SESN1: variants seen among roughly 807,000 people sequenced by gnomAD.
SESN1 encodes the protein sestrin 1.
SESN1 carries 30 observed loss-of-function variants against 59.3 expected under a neutral mutation model. The ratio of observed to expected loss-of-function variants is 0.51; its 90% CI spans 0.38 to 0.69. The LOEUF is 0.69. Among genes scored for constraint, SESN1 ranks in the 30% least tolerant of loss-of-function variants. The pLI, the probability that SESN1 is intolerant of heterozygous loss-of-function variation, is 0.00. For missense variants in SESN1, 566 were observed against 673.0 expected (o/e 0.84, Z 1.76); for synonymous variants, 197 against 219.9 (o/e 0.90, Z 0.92).
At chr6:109,077,460 A>G (rs565657929) in intron 1 of SESN1, among the ~76,000 whole-genome samples, 6 of 152,324 alleles carry the variant, frequency 3.9e-5, no homozygotes, top group East Asian at 3.9e-4. Flanking sequence ...AAAATTGGAG[A>G]TTGCAGGGAA....
intron 1 of SESN1, among the ~76,000 whole-genome samples, chr6:109,088,417 A>G (rs1781251923): frequency 6.6e-6 from 1 of 151,864 alleles, no homozygotes. Context: ...TGCAACTCCA[A>G]CTGTAACTCT....
chr6:109,075,987 G>A (rs932056586), intron 1 of SESN1, among the ~76,000 whole-genome samples: 4 of 152,052 alleles, frequency 2.6e-5, no homozygotes, highest in African/African-American at 9.7e-5. Flanking sequence ...CACAAATTAG[G>A]TCCTCTCCAG....
chr6:109,046,440 C>T (rs1209503738), intron 1 of SESN1, among the ~76,000 whole-genome samples: 1 of 149,874 alleles, frequency 6.7e-6, no homozygotes, highest in Non-Finnish European at 1.5e-5. Context: ...CTACAACCTA[C>T]ACCTCCCAGC....
intron 1 of SESN1, among the ~76,000 whole-genome samples, chr6:109,087,894 T>G (rs1300327904): frequency 1.3e-5 from 2 of 151,866 alleles, no homozygotes; most frequent in African/African-American, 2.4e-5. Flanking sequence ...AGCCTCTAAT[T>G]AGGCCTGACT....
chr6:109,008,661 A>T, intron 1 of SESN1: 1 of 448,518 alleles, frequency 2.2e-6, no homozygotes, highest in Non-Finnish European at 2.9e-6. Flanking sequence ...TTAAGGTTCG[A>T]GTTTTACCTA....
intron 1 of SESN1, among the ~76,000 whole-genome samples, chr6:109,078,287 T>A (rs1741274736): frequency 6.6e-6 from 1 of 151,956 alleles, no homozygotes; most frequent in Admixed American, 6.6e-5. Flanking sequence ...GAGGCTGAGG[T>A]GGGAGGATCA....
chr6:109,051,279 G>A (rs2114441580), intron 1 of SESN1, among the ~76,000 whole-genome samples: 1 of 152,210 alleles, frequency 6.6e-6, no homozygotes, highest in South Asian at 2.1e-4. Context: ...CAGAGGATCA[G>A]AATATTATAA....
At position 108,985,271 on chromosome 6, in the gene SESN1, C is replaced by A. The variant is rs1779153886; in HGVS notation, c.*2273G>T. On this transcript the variant is annotated 3_prime_UTR_variant, in exon 10 of 10. Coordinates refer to ENST00000436639, the MANE Select transcript of SESN1 (RefSeq NM_014454.3). ...AGTTTGGCCTAATAAAAAATTTTCC[C>A]AAATACGGCCAAAACAACTCAAGAT... Among the ~76,000 whole-genome samples the A allele has an allele frequency of 6.6e-6, 1 of 150,418 alleles. No homozygotes were observed. The highest frequency in any genetic ancestry group is 1.5e-5 in the Non-Finnish European group (1 of 67,238).
chr6:109,051,328 T>A lies in SESN1; in HGVS notation c.279+42467A>T, dbSNP rs555980637. 7.2e-5 allele frequency among the ~76,000 whole-genome samples: 9 copies of A among 125,866 alleles called. No homozygotes were observed. The South Asian group carries it at 2.8e-3, about 39-fold the overall frequency. The allele number at this position is 125,866 out of a possible 152,430, so 82.6% of individuals were successfully genotyped here. A position where few individuals can be genotyped will look rare whatever the true frequency, so the allele number is the denominator to read the frequency against. ...TTATTTACCAAACATTGAAACTGAG[T>A]CAGACAATAATGGTGCTACTTCAGT... is the stretch of plus-strand genomic sequence containing the variant. On this transcript the variant is annotated intron_variant, in intron 1 of 9. Coordinates refer to ENST00000436639, the MANE Select transcript of SESN1 (RefSeq NM_014454.3).
chr6:109,051,282 T>G (rs1225064360), intron 1 of SESN1, among the ~76,000 whole-genome samples: 1 of 152,166 alleles, frequency 6.6e-6, no homozygotes, highest in Non-Finnish European at 1.5e-5. Context: ...AGGATCAGAA[T>G]ATTATAAAGA....
intron 1 of SESN1, among the ~76,000 whole-genome samples, chr6:109,080,534 T>C (rs1196172824): frequency 2.0e-5 from 3 of 152,174 alleles, no homozygotes; most frequent in African/African-American, 4.8e-5. Context: ...AGTTTCAACA[T>C]GGGTCAAGGT....
In SESN1 at chr6:108,998,586, T is replaced by C. The variant is rs375753083; in HGVS notation, c.899A>G (p.Tyr300Cys). The change falls in exon 5 of 10, where the codon TAC becomes TGC. Residue 300 changes from tyrosine to cysteine, a missense_variant. Transcript: ENST00000436639. ...HTFRPPSVSN[Y>C]CICDITNGNH... ...GCCATTTGTAATGTCACAGATGCAG[T>C]AGTTGCTAACAGAAGGAGGTCTGAA... 26 of 1,613,942 alleles carry C rather than the reference T, an allele frequency of 1.6e-5. No homozygotes were observed. The South Asian group carries it at 2.0e-4, about 12-fold the overall frequency.
intron 8 of SESN1, among the ~76,000 whole-genome samples, chr6:108,989,561 C>A (rs1779313637): frequency 9.7e-6 from 1 of 102,842 alleles, no homozygotes; most frequent in Non-Finnish European, 2.0e-5. Context: ...ATCTAGATCT[C>A]TAGATCTAGA....
At chr6:109,092,213 T>C (rs1289832626) in intron 1 of SESN1, among the ~76,000 whole-genome samples, 1 of 152,234 alleles carries the variant, frequency 6.6e-6, no homozygotes, top group Non-Finnish European at 1.5e-5. Context: ...CAGAGTACTT[T>C]ACATCTGATT....
chr6:109,009,573 C>G, intron 1 of SESN1: 2 of 1,101,790 alleles, frequency 1.8e-6, no homozygotes, highest in African/African-American at 1.7e-5. Context: ...CGGGGCGGCG[C>G]CGACAAACAA....
Position 109,055,388 on chromosome 6 carries a change from T to A in SESN1, c.279+38407A>T, listed in dbSNP as rs184824701. On this transcript the variant is annotated intron_variant, in intron 1 of 9. Transcript: ENST00000436639. ...TATAATAAACAGAATGGTGGCTGGG[T>A]GCAGTGGCTCATGCCTGTAATCCCA... Among the ~76,000 whole-genome samples the A allele has an allele frequency of 3.2e-4, 49 of 152,030 alleles. No homozygotes were observed. The East Asian group carries it at 9.1e-3, about 28-fold the overall frequency.
chr6:109,006,808 C>T (rs902879464), intron 1 of SESN1, among the ~76,000 whole-genome samples: 3 of 152,108 alleles, frequency 2.0e-5, no homozygotes, highest in Admixed American at 6.6e-5. Flanking sequence ...AAAGGCACTG[C>T]GGGTGTTCAA....
chr6:109,002,347 G>A lies in SESN1; in HGVS notation c.280-4C>T. On this transcript the variant is annotated splice_region_variant and splice_polypyrimidine_tract_variant and intron_variant, in intron 1 of 9. Transcript: ENST00000436639. ...GAGGAATTCTAATGCCAAGTTCCTA[G>A]AAAAGAAAATTACACCATCTCAGGC... The A allele has an allele frequency of 6.2e-7, 1 of 1,612,368 alleles. No individual in the cohort carries two copies. Among genetic ancestry groups the A allele is most frequent in the Non-Finnish European group, 8.5e-7 (1 of 1,178,664 alleles).
intron 1 of SESN1, among the ~76,000 whole-genome samples, chr6:109,077,924 AAAC>A (rs910270360): frequency 4.6e-5 from 7 of 152,298 alleles, no homozygotes; most frequent in African/African-American, 1.7e-4. Context: ...TTAATTCATT[AAAC>A]AAGTCATATC....
Sources: gnomAD v4.1 joint callset for allele counts (sites outside exome capture counted in the v4.1 genomes callset) on GRCh38, gnomAD v4.1.1 for gene constraint, MANE v1.5 for transcripts, NCBI Gene and HGNC (gene_info 2026-07-23, HGNC 2026-07-21) for gene names.